CD2AP: variants seen among roughly 807,000 people sequenced by gnomAD.
CD2AP encodes CD2-associated protein.
CD2AP carries 46 observed loss-of-function variants against 85.1 expected under a neutral mutation model. The observed-to-expected ratio is 0.54, with a 90% confidence interval of 0.43 to 0.69. CD2AP has a LOEUF of 0.69. CD2AP is among the 30% of genes least tolerant of loss of function. CD2AP has a pLI of 0.00. For missense variants in CD2AP, 769 were observed against 729.5 expected, an observed-to-expected ratio of 1.05 and a Z score of -0.62; for synonymous variants, 255 against 252.9, an observed-to-expected ratio of 1.01 and a Z score of -0.08.
intron 11 of CD2AP, among the ~76,000 whole-genome samples, chr6:47,586,808 TCA>T (rs1413103154): frequency 6.6e-6 from 1 of 152,210 alleles, no homozygotes; most frequent in African/African-American, 2.4e-5. Context: ...TTTAAAAATC[TCA>T]CAAGAACTGT....
At chr6:47,484,624 C>T (rs1765522160) in intron 1 of CD2AP, among the ~76,000 whole-genome samples, 1 of 152,146 alleles carries the variant, frequency 6.6e-6, no homozygotes, top group Admixed American at 6.5e-5. Context: ...TTTCCAGTGG[C>T]TCCAGTAGAC....
At chr6:47,614,852 CAT>C (rs1204950669) in intron 17 of CD2AP, among the ~76,000 whole-genome samples, 1 of 152,198 alleles carries the variant, frequency 6.6e-6, no homozygotes, top group African/African-American at 2.4e-5. Context: ...GTAGTGGTGA[CAT>C]ATGGCTGTAG....
intron 5 of CD2AP, among the ~76,000 whole-genome samples, chr6:47,556,162 C>T (rs1767679542): frequency 6.6e-6 from 1 of 151,272 alleles, no homozygotes; most frequent in Non-Finnish European, 1.5e-5. Flanking sequence ...ACCTATCAAC[C>T]CGTCATCTAC....
chr6:47,559,841 G>A (rs183972088), intron 5 of CD2AP, among the ~76,000 whole-genome samples: 1 of 152,148 alleles, frequency 6.6e-6, no homozygotes, highest in Non-Finnish European at 1.5e-5. Flanking sequence ...GTAGAAAAGA[G>A]CATGAAGCAA....
At chr6:47,534,805 T>A (rs1766982223) in intron 3 of CD2AP, among the ~76,000 whole-genome samples, 1 of 148,150 alleles carries the variant, frequency 6.7e-6, no homozygotes. Flanking sequence ...ATTGAATACT[T>A]TTTTTTTTTT....
chr6:47,548,150 A>G (rs558974715), intron 4 of CD2AP, among the ~76,000 whole-genome samples: 1 of 152,302 alleles, frequency 6.6e-6, no homozygotes, highest in East Asian at 1.9e-4. Flanking sequence ...GAAACGAGAA[A>G]AAGAAGAACA....
At chr6:47,581,064 C>G (rs983259494) in intron 10 of CD2AP, among the ~76,000 whole-genome samples, 164 bp downstream of exon 10, 2 of 151,982 alleles carry the variant, frequency 1.3e-5, no homozygotes, top group African/African-American at 4.8e-5. Context: ...TAGTATCTGT[C>G]ATTTTTCTTA....
At chr6:47,586,005 C>T (rs946557903) in intron 11 of CD2AP, among the ~76,000 whole-genome samples, 5 of 151,988 alleles carry the variant, frequency 3.3e-5, no homozygotes, top group Non-Finnish European at 4.4e-5. Flanking sequence ...AAAATCACGG[C>T]GTCCATTGTC....
At chr6:47,558,350 C>T (rs1221889237) in intron 5 of CD2AP, among the ~76,000 whole-genome samples, 2 of 152,140 alleles carry the variant, frequency 1.3e-5, no homozygotes, top group Non-Finnish European at 2.9e-5. Flanking sequence ...CCAGAACTTC[C>T]AATACCATGT....
chr6:47,546,847 C>T (rs182827488), intron 4 of CD2AP, among the ~76,000 whole-genome samples: 45 of 152,302 alleles, frequency 3.0e-4, no homozygotes, highest in African/African-American at 1.0e-3. Context: ...AGAAACCATA[C>T]AAGCTAGAAG....
chr6:47,612,959 G>A (rs9381581), intron 17 of CD2AP, among the ~76,000 whole-genome samples: 40,294 of 151,950 alleles, frequency 0.27, 5,503 homozygotes, highest in African/African-American at 0.31. Context: ...TTTATATTTT[G>A]TAAATCCTTT....
intron 15 of CD2AP, 66 bp downstream of exon 15, chr6:47,608,094 G>T (rs1769324138): frequency 1.9e-6 from 2 of 1,067,674 alleles, no homozygotes; most frequent in African/African-American, 1.6e-5. Context: ...CAAACATAGG[G>T]AATTTAAGGT....
chr6:47,623,020 A>G (rs189054355), intron 17 of CD2AP, among the ~76,000 whole-genome samples: 9 of 152,344 alleles, frequency 5.9e-5, no homozygotes, highest in Admixed American at 5.9e-4. Flanking sequence ...AAAGACTTTA[A>G]TAACAGATCG....
At chr6:47,494,182 G>A (rs116411631) in intron 1 of CD2AP, among the ~76,000 whole-genome samples, 1 of 152,108 alleles carries the variant, frequency 6.6e-6, no homozygotes, top group Non-Finnish European at 1.5e-5. Flanking sequence ...TAAATCGTTA[G>A]TGTGAGGATT....
At chr6:47,541,708 A>C (rs879623476) in intron 3 of CD2AP, among the ~76,000 whole-genome samples, 2 of 152,222 alleles carry the variant, frequency 1.3e-5, no homozygotes, top group Non-Finnish European at 2.9e-5. Context: ...AGGTAACTGT[A>C]GTGGTTTTCT....
intron 3 of CD2AP, among the ~76,000 whole-genome samples, chr6:47,537,639 A>C (rs1320879518): frequency 6.6e-6 from 1 of 152,140 alleles, no homozygotes; most frequent in East Asian, 1.9e-4. Flanking sequence ...ACCTCTGATC[A>C]CATTATCTTT....
intron 5 of CD2AP, among the ~76,000 whole-genome samples, chr6:47,562,049 C>A (rs549698405): frequency 1.1e-3 from 161 of 152,326 alleles, no homozygotes; most frequent in African/African-American, 3.7e-3. Flanking sequence ...CAGGCGTGAG[C>A]CACTGCACCC....
intron 12 of CD2AP, among the ~76,000 whole-genome samples, chr6:47,596,685 T>C (rs1183852404): frequency 6.6e-6 from 1 of 152,122 alleles, no homozygotes; most frequent in African/African-American, 2.4e-5. Context: ...GTTGCTTCCA[T>C]ATTTTGGCTG....
chr6:47,504,302 T>C (rs1766071242), intron 2 of CD2AP, among the ~76,000 whole-genome samples: 1 of 152,228 alleles, frequency 6.6e-6, no homozygotes, highest in African/African-American at 2.4e-5. Flanking sequence ...CTTGTCCAGC[T>C]TGGACAGTAG....
Sources: allele counts gnomAD v4.1 joint callset (sites outside exome capture counted in the v4.1 genomes callset), GRCh38; gene constraint gnomAD v4.1.1; transcripts MANE v1.5; gene names NCBI Gene and HGNC (gene_info 2026-07-23, HGNC 2026-07-21).